The following GPHN variants were observed in gnomAD, a reference collection of about 807,000 sequenced individuals.
GPHN encodes gephyrin.
Under a neutral mutation model 95.5 loss-of-function variants are expected in GPHN, and 17 were observed. That is an observed-to-expected ratio of 0.18 (90% confidence interval 0.12 to 0.27). The LOEUF is 0.27. GPHN is among the 10% of genes least tolerant of loss of function. The probability of loss-of-function intolerance (pLI) is 1.00; values close to 1 mark genes in which losing one functional copy is unlikely to be tolerated. For missense variants in GPHN, 660 were observed against 978.1 expected, an observed-to-expected ratio of 0.67 and a Z score of 4.34; for synonymous variants, 320 against 322.5, an observed-to-expected ratio of 0.99 and a Z score of 0.08.
At chr14:66,918,282 T>C (rs1432516719) in intron 6 of GPHN, among the ~76,000 whole-genome samples, 2 of 152,158 alleles carry the variant, frequency 1.3e-5, no homozygotes, top group East Asian at 1.9e-4. Context: ...CATGGAGTAA[T>C]GCCAGCTGGG....
At chr14:66,766,256 T>G (rs752920695) in intron 2 of GPHN, among the ~76,000 whole-genome samples, 5 of 152,146 alleles carry the variant, frequency 3.3e-5, no homozygotes, top group Non-Finnish European at 7.4e-5. Context: ...AAACAGAATT[T>G]GAGTGTCTGA....
At chr14:67,726,042 G>A in the GPHN span, 2 of 1,595,808 alleles carry the variant, frequency 1.3e-6, no homozygotes, top group South Asian at 1.1e-5. Flanking sequence ...CTTTGGTTGT[G>A]CCCTATAGAG....
At chr14:67,053,565 A>G (rs1196798616) in intron 10 of GPHN, among the ~76,000 whole-genome samples, 4 of 152,196 alleles carry the variant, frequency 2.6e-5, no homozygotes, top group Admixed American at 2.6e-4. Context: ...TTCTTCTGAA[A>G]CTATTCTAAA....
chr14:67,121,745 A>C (rs566010921), intron 16 of GPHN, among the ~76,000 whole-genome samples: 1 of 152,344 alleles, frequency 6.6e-6, no homozygotes, highest in African/African-American at 2.4e-5. Context: ...GAGACAAAAC[A>C]TCTGTCTTCC....
At chr14:67,129,242 A>G (rs919811597) in intron 17 of GPHN, among the ~76,000 whole-genome samples, 2 of 152,182 alleles carry the variant, frequency 1.3e-5, no homozygotes, top group Non-Finnish European at 2.9e-5. Flanking sequence ...AATTTGGTGG[A>G]CCAGTATTGA....
chr14:67,420,164 G>T, the GPHN span, among the ~76,000 whole-genome samples: 1 of 152,200 alleles, frequency 6.6e-6, no homozygotes, highest in African/African-American at 2.4e-5. Context: ...CAGGTGCCAG[G>T]CAGGCACTGC....
chr14:66,959,073 G>A (rs528933274), intron 8 of GPHN, among the ~76,000 whole-genome samples: 313 of 152,016 alleles, frequency 2.1e-3, no homozygotes, highest in African/African-American at 7.2e-3. Flanking sequence ...TACCAACTTA[G>A]TTTCAATATT....
At chr14:67,644,452 T>A in the GPHN span, among the ~76,000 whole-genome samples, 2 of 152,314 alleles carry the variant, frequency 1.3e-5, no homozygotes, top group Non-Finnish European at 2.9e-5. Context: ...GACCATGCTA[T>A]TCCTCAAAAG....
At chr14:66,678,867 A>C (rs1464193040) in intron 1 of GPHN, among the ~76,000 whole-genome samples, 3 of 152,130 alleles carry the variant, frequency 2.0e-5, no homozygotes, top group African/African-American at 7.2e-5. Context: ...CAGTTTCCCT[A>C]GGGCGTTCAG....
At chr14:67,719,123 TC>T in the GPHN span, among the ~76,000 whole-genome samples, 13 of 152,348 alleles carry the variant, frequency 8.5e-5, no homozygotes, top group East Asian at 2.5e-3. Context: ...GTTATCCTTT[TC>T]CATTGGAGGG....
At chr14:67,542,139 G>C in the GPHN span, 5 of 777,638 alleles carry the variant, frequency 6.4e-6, no homozygotes, top group Non-Finnish European at 9.8e-6. Context: ...GGTAGTTTAA[G>C]ACCAAAGTCC....
At chr14:67,154,305 G>A (rs1427843072) in intron 18 of GPHN, among the ~76,000 whole-genome samples, 4 of 152,094 alleles carry the variant, frequency 2.6e-5, no homozygotes, top group Non-Finnish European at 5.9e-5. Flanking sequence ...ACCTCTTCTA[G>A]AATGACCTTT....
the GPHN span, chr14:67,593,243 A>G: frequency 5.8e-6 from 1 of 171,772 alleles, no homozygotes; most frequent in East Asian, 1.7e-4. Flanking sequence ...TAAACTGAAC[A>G]CTTGGGGAGG....
At chr14:66,859,958 G>T (rs118012525) in intron 4 of GPHN, among the ~76,000 whole-genome samples, 1,910 of 152,040 alleles carry the variant, frequency 0.013, 19 homozygotes, top group Non-Finnish European at 0.018. Context: ...AAAAGGATGA[G>T]GTATGCCTAC....
At chr14:66,543,644 G>A (rs910584792) in intron 1 of GPHN, among the ~76,000 whole-genome samples, 11 of 152,200 alleles carry the variant, frequency 7.2e-5, no homozygotes, top group African/African-American at 2.6e-4. Context: ...GCTCTTCCTA[G>A]AGTATTTGTC....
intron 16 of GPHN, among the ~76,000 whole-genome samples, chr14:67,113,702 T>G (rs1005488286): frequency 4.6e-5 from 7 of 152,158 alleles, no homozygotes; most frequent in Non-Finnish European, 8.8e-5. Context: ...GCATCTCTAG[T>G]GGCATGATAT....
chr14:67,132,174 C>T (rs2079760004), intron 17 of GPHN, among the ~76,000 whole-genome samples: 1 of 152,172 alleles, frequency 6.6e-6, no homozygotes, highest in South Asian at 2.1e-4. Context: ...TTCTTAAAAA[C>T]CTGGCACATT....
the GPHN span, chr14:67,541,975 G>C: frequency 6.8e-6 from 11 of 1,606,508 alleles, no homozygotes; most frequent in Non-Finnish European, 9.3e-6. Context: ...GCAAGATAAG[G>C]GAGCTGCTGG....
intron 9 of GPHN, among the ~76,000 whole-genome samples, chr14:66,975,459 G>A (rs1453476314): frequency 6.6e-6 from 1 of 152,174 alleles, no homozygotes; most frequent in East Asian, 1.9e-4. Context: ...GCATTTGACT[G>A]ATTTACTGGC....
Sources: allele counts gnomAD v4.1 joint callset (sites outside exome capture counted in the v4.1 genomes callset), GRCh38; gene constraint gnomAD v4.1.1; transcripts MANE v1.5; gene names NCBI Gene and HGNC (gene_info 2026-07-23, HGNC 2026-07-21).